COX7B2: variants seen among roughly 807,000 people sequenced by gnomAD.
The protein encoded by COX7B2 is cytochrome c oxidase subunit 7B2, mitochondrial.
For missense variants in COX7B2, 109 were observed against 95.9 expected (o/e 1.14, Z -0.57); for synonymous variants, 37 against 32.1 (o/e 1.15, Z -0.51).
chr4:46,770,293 G>T (rs953106909), intron 2 of COX7B2, among the ~76,000 whole-genome samples: 2 of 152,054 alleles, frequency 1.3e-5, no homozygotes, highest in Non-Finnish European at 2.9e-5. Flanking sequence ...AACCAAGGAT[G>T]TTAAAAATCT....
chr4:46,887,732 A>T (rs1162875792), intron 1 of COX7B2, among the ~76,000 whole-genome samples: 1 of 150,558 alleles, frequency 6.6e-6, no homozygotes, highest in African/African-American at 2.5e-5. Context: ...AAAAAAAAAA[A>T]GGAAGTATCC....
intron 2 of COX7B2, among the ~76,000 whole-genome samples, chr4:46,748,668 A>G (rs1325911402): frequency 6.6e-6 from 1 of 152,210 alleles, no homozygotes; most frequent in Non-Finnish European, 1.5e-5. Flanking sequence ...TTTTCACTGC[A>G]ATAATACCAA....
chr4:46,849,141 C>A (rs954748856), intron 1 of COX7B2, among the ~76,000 whole-genome samples: 1 of 152,028 alleles, frequency 6.6e-6, no homozygotes, highest in African/African-American at 2.4e-5. Flanking sequence ...GCTAACTATA[C>A]ACACACAGAC....
chr4:46,773,996 C>T (rs904145811), intron 2 of COX7B2, among the ~76,000 whole-genome samples: 2 of 152,110 alleles, frequency 1.3e-5, no homozygotes, highest in African/African-American at 4.8e-5. Flanking sequence ...AATATTTCCT[C>T]TCTGACTCTG....
rs188679759 is a variant in COX7B2, at chr4:46,850,185, A to T, written c.-104-5171T>A. On this transcript the variant is annotated intron_variant, in intron 1 of 2. Transcript: ENST00000355591. ...AAATAATGATTTAAAATAATTTAAA[A>T]TGATTTAATTTTAAATAATTTAAAT... 6.8e-3 allele frequency among the ~76,000 whole-genome samples: 1,036 copies of T among 151,396 alleles called. 12 individuals are homozygous for T. Among genetic ancestry groups the T allele is most frequent in the Middle Eastern group, 0.017 (5 of 294 alleles).
intron 2 of COX7B2, among the ~76,000 whole-genome samples, chr4:46,820,086 C>A (rs1337120258): frequency 2.0e-5 from 3 of 152,172 alleles, no homozygotes; most frequent in African/African-American, 7.2e-5. Context: ...AAGCACGTTA[C>A]ATTTATTGTG....
intron 2 of COX7B2, among the ~76,000 whole-genome samples, chr4:46,739,459 C>G (rs1325439718): frequency 6.6e-6 from 1 of 151,998 alleles, no homozygotes; most frequent in African/African-American, 2.4e-5. Flanking sequence ...ACGTTACAGC[C>G]TGGGATAGAT....
chr4:46,884,969 G>GT (rs973385445), intron 1 of COX7B2, among the ~76,000 whole-genome samples: 2 of 150,242 alleles, frequency 1.3e-5, no homozygotes, highest in African/African-American at 4.9e-5. Flanking sequence ...TGCCCCATCT[G>GT]TTTTTTTATA....
chr4:46,845,483 C>T (rs1349512164), intron 1 of COX7B2, among the ~76,000 whole-genome samples: 1 of 151,870 alleles, frequency 6.6e-6, no homozygotes, highest in Non-Finnish European at 1.5e-5. Flanking sequence ...AGACTAATGC[C>T]TCAAATGTGG....
intron 2 of COX7B2, among the ~76,000 whole-genome samples, chr4:46,826,656 T>C (rs1445747464): frequency 6.6e-6 from 1 of 152,202 alleles, no homozygotes; most frequent in African/African-American, 2.4e-5. Flanking sequence ...GTGGTACATA[T>C]ACATCATGGA....
intron 1 of COX7B2, among the ~76,000 whole-genome samples, chr4:46,907,312 TTTTC>T (rs1560448591): frequency 6.6e-6 from 1 of 152,182 alleles, no homozygotes; most frequent in African/African-American, 2.4e-5. Flanking sequence ...TCCTAAAAAC[TTTTC>T]TTTTTCTCCA....
intron 2 of COX7B2, among the ~76,000 whole-genome samples, chr4:46,843,952 T>C (rs1716104935): frequency 1.3e-5 from 2 of 151,976 alleles, no homozygotes; most frequent in East Asian, 1.9e-4. Context: ...AGGTAATAAA[T>C]AAGAGTCCTA....
At chr4:46,838,079 T>C (rs2109747378) in intron 2 of COX7B2, among the ~76,000 whole-genome samples, 1 of 152,180 alleles carries the variant, frequency 6.6e-6, no homozygotes, top group Non-Finnish European at 1.5e-5. Context: ...CAAAGCAGTC[T>C]GCCAACTACA....
At chr4:46,880,131 A>G (rs1442385181) in intron 1 of COX7B2, among the ~76,000 whole-genome samples, 1 of 152,056 alleles carries the variant, frequency 6.6e-6, no homozygotes, top group Non-Finnish European at 1.5e-5. Flanking sequence ...GGTTCCTTCA[A>G]TATGGTGGCT....
chr4:46,872,919 C>T (rs1718086606), intron 1 of COX7B2, among the ~76,000 whole-genome samples: 1 of 152,176 alleles, frequency 6.6e-6, no homozygotes, highest in Non-Finnish European at 1.5e-5. Context: ...GTTAGCTGCA[C>T]TCATCAACCT....
Position 46,785,529 on chromosome 4 carries a change from C to T in COX7B2, c.-49-50288G>A, listed in dbSNP as rs574488551. Among the ~76,000 whole-genome samples, 12 of 152,196 alleles carry T rather than the reference C, an allele frequency of 7.9e-5. No individual in the cohort carries two copies. In the East Asian group the frequency reaches 1.9e-3, roughly 25 times the overall value. ...CTGGGACTACAGGCACCCGCCACCA[C>T]ACCCGGCTATGATACAGCAATTTGA... On this transcript the variant is annotated intron_variant, in intron 2 of 2. Transcript: ENST00000355591.
At chr4:46,770,704 G>T (rs1716827581) in intron 2 of COX7B2, among the ~76,000 whole-genome samples, 1 of 151,702 alleles carries the variant, frequency 6.6e-6, no homozygotes, top group Non-Finnish European at 1.5e-5. Context: ...TCCAACAAAA[G>T]TATCAATCAC....
chr4:46,875,682 C>T (rs1718274899), intron 1 of COX7B2, among the ~76,000 whole-genome samples: 1 of 152,100 alleles, frequency 6.6e-6, no homozygotes, highest in South Asian at 2.1e-4. Flanking sequence ...ATCAATCTAA[C>T]GTCCTATGAC....
chr4:46,777,875 T>G (rs1333971770), intron 2 of COX7B2, among the ~76,000 whole-genome samples: 1 of 152,172 alleles, frequency 6.6e-6, no homozygotes, highest in Non-Finnish European at 1.5e-5. Context: ...CTTCATAAAG[T>G]TAAACAGATG....
Sources: allele counts gnomAD v4.1 joint callset (sites outside exome capture counted in the v4.1 genomes callset), GRCh38; gene constraint gnomAD v4.1.1; transcripts MANE v1.5; gene names NCBI Gene and HGNC (gene_info 2026-07-23, HGNC 2026-07-21).